The following KDM2B variants were observed in gnomAD, a reference collection of about 807,000 sequenced individuals.
KDM2B encodes lysine-specific demethylase 2B.
In KDM2B, 26 loss-of-function variants were observed where a neutral mutation model predicts 150.0. That is an observed-to-expected ratio of 0.17 (90% CI 0.13 to 0.24). The LOEUF is 0.24. Among genes scored for constraint, KDM2B ranks in the 10% least tolerant of loss-of-function variants. KDM2B has a pLI of 1.00. For synonymous variants in KDM2B, 734 were observed against 729.5 expected (o/e 1.01, Z -0.10); for missense variants, 1,265 against 1,816.9 (o/e 0.70, Z 5.52).
At position 121,445,380 on chromosome 12, in the gene KDM2B, G is replaced by A. The variant is rs782529192; in HGVS notation, c.1998C>T (p.Gly666=). 1.4e-5 allele frequency: 23 copies of A among 1,609,596 alleles called. No individual in the cohort carries two copies. The highest frequency in any genetic ancestry group is 1.7e-5 in the Non-Finnish European group (20 of 1,177,528). The change falls in exon 14 of 23, where the codon GGC becomes GGT. Residue 666 remains glycine (G), a synonymous_variant. Coordinates refer to ENST00000377071, the MANE Select transcript of KDM2B (RefSeq NM_032590.5). ...CCACCGTGTCTTCCTTCCCCGCCTCGCCACACACAAGGCACACGGCGGTGT... is the reference window on the plus strand; with the variant it reads ...CCACCGTGTCTTCCTTCCCCGCCTCACCACACACAAGGCACACGGCGGTGT... ...LPHTAVCLVC[G]EAGKEDTVEE...
chr12:121,531,609 C>T (rs186694203), intron 8 of KDM2B, among the ~76,000 whole-genome samples: 90 of 152,328 alleles, frequency 5.9e-4, no homozygotes, highest in Non-Finnish European at 1.1e-3. Context: ...CAACACCACT[C>T]GGCTATACTC....
chr12:121,435,357 C>T (rs1325330703), intron 22 of KDM2B, among the ~76,000 whole-genome samples: 1 of 152,042 alleles, frequency 6.6e-6, no homozygotes, highest in Admixed American at 6.6e-5. Context: ...TTTAGGAGAC[C>T]TGAGAAAGCT....
intron 8 of KDM2B, among the ~76,000 whole-genome samples, chr12:121,526,178 C>CAG (rs1887111298): frequency 6.6e-6 from 1 of 152,056 alleles, no homozygotes; most frequent in African/African-American, 2.4e-5. Flanking sequence ...ATGATGAAAC[C>CAG]CCGTCTCTAC....
At chr12:121,436,546 TAAAG>T (rs1874022944) in intron 22 of KDM2B, among the ~76,000 whole-genome samples, 1 of 144,912 alleles carries the variant, frequency 6.9e-6, no homozygotes, top group African/African-American at 2.5e-5. Flanking sequence ...AGTTGTATGA[TAAAG>T]TAAGGGAAAA....
intron 4 of KDM2B, among the ~76,000 whole-genome samples, chr12:121,556,280 G>A (rs782146065): frequency 3.3e-5 from 5 of 151,988 alleles, no homozygotes; most frequent in Non-Finnish European, 5.9e-5. Context: ...GGAGTGCAGT[G>A]GCTTGAACAT....
intron 9 of KDM2B, among the ~76,000 whole-genome samples, chr12:121,515,650 T>C (rs1221550266): frequency 1.3e-5 from 2 of 151,420 alleles, no homozygotes; most frequent in Admixed American, 6.6e-5. Flanking sequence ...AAATGCTATT[T>C]TGCTGCATTT....
Position 121,549,543 on chromosome 12 carries a change from C to T in KDM2B, c.493G>A (p.Ala165Thr). 2 of 1,613,702 alleles carry T rather than the reference C, an allele frequency of 1.2e-6. No homozygotes were observed. Among genetic ancestry groups the T allele is most frequent in the Non-Finnish European group, 1.7e-6 (2 of 1,179,674 alleles). The part of the protein sequence containing the change: ...QFVRYYETPE[A>T]QRDKLYNVIS... ...ACGTTGTACAGCTTGTCCCGCTGGG[C>T]CTCGGGCGTCTCGTAGTAACGCACA... Residue 165 changes from alanine (A) to threonine (T), a missense_variant, in exon 5 of 23, where the codon GCC becomes ACC. Ala to Thr is a moderately conservative substitution (Grantham distance 58). Around this residue, in one of 11 missense-constraint regions of KDM2B, gnomAD observed 214 missense variants for 447.4 expected, o/e 0.48. Coordinates refer to ENST00000377071, the MANE Select transcript of KDM2B (RefSeq NM_032590.5). The surrounding 1 kb of genome is among the most constrained non-coding windows in gnomAD (Gnocchi z 4.4).
At chr12:121,573,174 G>T (rs1891243983) in intron 4 of KDM2B, among the ~76,000 whole-genome samples, 1 of 147,512 alleles carries the variant, frequency 6.8e-6, no homozygotes, top group Admixed American at 6.8e-5. Context: ...GCCCAGGCTG[G>T]TCTCAAACTC....
chr12:121,574,330 CTG>C (rs1187429253), intron 4 of KDM2B: 12 of 498,230 alleles, frequency 2.4e-5, no homozygotes, highest in Non-Finnish European at 3.6e-5. Context: ...CCTCATAAAA[CTG>C]TGTACCGGCA....
At chr12:121,421,713 A>G in the KDM2B span, among the ~76,000 whole-genome samples, 23 of 152,288 alleles carry the variant, frequency 1.5e-4, no homozygotes, top group Middle Eastern at 3.4e-3. Context: ...TATGTACTTA[A>G]TATTTTTAAA....
chr12:121,502,128 C>T (rs1555302104), intron 11 of KDM2B, among the ~76,000 whole-genome samples: 3 of 152,180 alleles, frequency 2.0e-5, no homozygotes, highest in African/African-American at 7.2e-5. Flanking sequence ...CCTGCACCGG[C>T]CTGTTTTCAT....
chr12:121,476,959 G>C (rs1881452581), intron 12 of KDM2B, among the ~76,000 whole-genome samples: 1 of 152,214 alleles, frequency 6.6e-6, no homozygotes. Context: ...AGGAGGAACT[G>C]TTTTTAGGGG....
intron 6 of KDM2B, among the ~76,000 whole-genome samples, chr12:121,538,865 C>T (rs2141719525): frequency 6.6e-6 from 1 of 152,206 alleles, no homozygotes; most frequent in African/African-American, 2.4e-5. Flanking sequence ...ACCTCAACTC[C>T]AGGAGGAGTC....
chr12:121,567,838 C>T (rs1451580057), intron 4 of KDM2B, among the ~76,000 whole-genome samples: 1 of 151,064 alleles, frequency 6.6e-6, no homozygotes, highest in Non-Finnish European at 1.5e-5. Flanking sequence ...AAGCAATTCT[C>T]CTGCCTCAGC....
downstream of KDM2B, among the ~76,000 whole-genome samples, chr12:121,426,090 T>C (rs79741351): frequency 0.089 from 13,565 of 152,212 alleles, 719 homozygotes; most frequent in South Asian, 0.23. Flanking sequence ...AACTTGGTGG[T>C]GGCAAGTCTT....
In KDM2B at chr12:121,439,946, T is replaced by G. The variant is rs782222694; in HGVS notation, c.3740A>C (p.Tyr1247Ser). The G allele has an allele frequency of 6.2e-7, 1 of 1,614,172 alleles. No individual in the cohort carries two copies. The highest frequency in any genetic ancestry group is 8.5e-7 in the Non-Finnish European group (1 of 1,180,020). Residue 1247 changes from tyrosine (Y) to serine (S), a missense_variant, in exon 22 of 23, where the codon TAC becomes TCC. By Grantham distance (144) the Tyr-to-Ser change is moderately radical. Transcript: ENST00000377071. ...AGACTGGTCGGTGACGTGGTTACAG[T>G]AACTGAGGTGGAGCTTGGAGAGCAG... ...MPLLSKLHLS[Y>S]CNHVTDQSIN...
Position 121,537,499 on chromosome 12 carries a change from C to G in KDM2B, c.684-2909G>C, listed in dbSNP as rs1278220670. Reference sequence around the variant, plus strand: ...ACCCTCCAAGTTGGCGGCAGATCATCGGGAGCCCCCGAACCGAGCCCTTGG... The same window carrying G: ...ACCCTCCAAGTTGGCGGCAGATCATGGGGAGCCCCCGAACCGAGCCCTTGG... On this transcript the variant is annotated intron_variant, in intron 6 of 22. Transcript: ENST00000377071. This position sits in a 1 kb window ranked among gnomAD's most constrained non-coding sequence, Gnocchi z 8.7. 1.3e-5 allele frequency: 2 copies of G among 152,324 alleles called. No individual in the cohort carries two copies. Among genetic ancestry groups the G allele is most frequent in the African/African-American group, 4.8e-5 (2 of 41,568 alleles). 9.4% of individuals were successfully genotyped at this position (152,324 alleles called of 1,614,324 possible).
intron 12 of KDM2B, among the ~76,000 whole-genome samples, chr12:121,458,231 CTG>C (rs1878561841): frequency 1.3e-5 from 2 of 151,798 alleles, no homozygotes; most frequent in African/African-American, 4.8e-5. Context: ...AAAAGACTAG[CTG>C]AGTGTGCTGT....
At chr12:121,445,093 G>T in intron 14 of KDM2B, 182 bp downstream of exon 14, 2 of 630,320 alleles carry the variant, frequency 3.2e-6, no homozygotes, top group South Asian at 2.0e-5. Context: ...ATGACACTGG[G>T]TCTCTGAGGT....
Sources: gnomAD v4.1 joint callset for allele counts (sites outside exome capture counted in the v4.1 genomes callset) on GRCh38, gnomAD v4.1.1 for gene constraint, gnomAD v4.1.1 regional missense constraint, Gnocchi (gnomAD v3.1) non-coding constraint, MANE v1.5 for transcripts, NCBI Gene and HGNC (gene_info 2026-07-23, HGNC 2026-07-21) for gene names.